The following FMNL2 variants were observed in gnomAD, a reference collection of about 807,000 sequenced individuals.
FMNL2 encodes the protein formin like 2.
In FMNL2, 51 loss-of-function variants were observed where a neutral mutation model predicts 130.2. The observed-to-expected ratio is 0.39, with a 90% CI of 0.31 to 0.49. The LOEUF is 0.49. Among genes scored for constraint, FMNL2 ranks in the 20% least tolerant of loss-of-function variants. The pLI, the probability that FMNL2 is intolerant of heterozygous loss-of-function variation, is 0.85. For missense variants in FMNL2, 977 were observed against 1,316.2 expected (o/e 0.74, Z 3.99); for synonymous variants, 465 against 467.1 (o/e 1.00, Z 0.06).
chr2:152,495,653 C>CAAAAATAAAAAAAAAAAA (rs1691468586), intron 1 of FMNL2, among the ~76,000 whole-genome samples: 1 of 48,546 alleles, frequency 2.1e-5, no homozygotes. Context: ...TCCGTCTCAC[C>CAAAAATAAAAAAAAAAAA]AAAAAAAAAA....
At chr2:152,424,304 A>G (rs1051844276) in intron 1 of FMNL2, among the ~76,000 whole-genome samples, 2 of 151,486 alleles carry the variant, frequency 1.3e-5, no homozygotes, top group African/African-American at 2.4e-5. Context: ...TTTTGGTGGG[A>G]GGAAAATTTG....
chr2:152,578,586 GAT>G (rs1491514401), intron 7 of FMNL2: 1 of 182,214 alleles, frequency 5.5e-6, no homozygotes, highest in African/African-American at 2.9e-5. Context: ...CATCATTGCC[GAT>G]TTTTTTTTTT....
chr2:152,499,951 A>C (rs1364743099), intron 1 of FMNL2, among the ~76,000 whole-genome samples: 1 of 152,040 alleles, frequency 6.6e-6, no homozygotes, highest in Non-Finnish European at 1.5e-5. Flanking sequence ...AATTCTTCTG[A>C]GTTTCTTTCT....
In FMNL2 at chr2:152,609,504, A is replaced by AT. The variant is rs1243862162; in HGVS notation, c.952-1984dup. Among the ~76,000 whole-genome samples, 11 of 152,176 alleles carry AT rather than the reference A, an allele frequency of 7.2e-5. No homozygotes were observed. In the East Asian group the frequency reaches 1.5e-3, roughly 21 times the overall value. On this transcript the variant is annotated intron_variant, in intron 10 of 25. Transcript: ENST00000288670. ...TAAGACATTTCTACCCTTTTTCTGT[A>AT]TTTTTTTGTGGACAAAAGAAAACAA...
intron 1 of FMNL2, among the ~76,000 whole-genome samples, chr2:152,339,591 T>A (rs1163957701): frequency 6.6e-6 from 1 of 152,226 alleles, no homozygotes; most frequent in Non-Finnish European, 1.5e-5. Context: ...TCTTAGCTGC[T>A]GTATCTTGTG....
intron 1 of FMNL2, among the ~76,000 whole-genome samples, chr2:152,442,700 A>G (rs1688116844): frequency 6.6e-6 from 1 of 152,230 alleles, no homozygotes; most frequent in Non-Finnish European, 1.5e-5. Flanking sequence ...TACATAAAAG[A>G]TATCTACAAA....
intron 1 of FMNL2, among the ~76,000 whole-genome samples, chr2:152,450,664 C>T (rs1688590489): frequency 6.6e-6 from 1 of 152,188 alleles, no homozygotes; most frequent in Non-Finnish European, 1.5e-5. Context: ...CCATCCTCAG[C>T]TCCTCCCTAC....
intron 1 of FMNL2, among the ~76,000 whole-genome samples, chr2:152,517,322 G>A (rs528396353): frequency 6.6e-6 from 1 of 152,282 alleles, no homozygotes; most frequent in South Asian, 2.1e-4. Context: ...AGGCTGGGCA[G>A]TATGGCTGAT....
intron 12 of FMNL2, among the ~76,000 whole-genome samples, chr2:152,616,415 C>T (rs185377728): frequency 1.2e-3 from 176 of 147,250 alleles, no homozygotes; most frequent in African/African-American, 4.3e-3. Flanking sequence ...ACTGCAACCT[C>T]TGCCTCCTGG....
intron 24 of FMNL2, 83 bp from the exon 25 acceptor site, chr2:152,640,708 C>CATAATGCTCAGG: frequency 1.3e-6 from 2 of 1,518,292 alleles, no homozygotes; most frequent in Non-Finnish European, 1.8e-6. Flanking sequence ...TTATTAGTAA[C>CATAATGCTCAGG]ATAATGCTCA....
Position 152,369,782 on chromosome 2 carries a change from C to T in FMNL2, c.117+34062C>T, listed in dbSNP as rs540842139. 6.6e-5 allele frequency among the ~76,000 whole-genome samples: 10 copies of T among 152,308 alleles called. 1 individual carries two copies. Among genetic ancestry groups the T allele is most frequent in the Middle Eastern group, 3.4e-3 (1 of 294 alleles). On this transcript the variant is annotated intron_variant, in intron 1 of 25. Coordinates refer to ENST00000288670, the MANE Select transcript of FMNL2 (RefSeq NM_052905.4). ...TTGTTCTTACTGCTGCTGTGTTTCC[C>T]GGAAAACAGCCATTGACTTTTCTTC...
intron 2 of FMNL2, among the ~76,000 whole-genome samples, chr2:152,525,800 C>T (rs554193244): frequency 2.6e-5 from 4 of 152,230 alleles, no homozygotes; most frequent in East Asian, 3.9e-4. Flanking sequence ...GCCACTCAGC[C>T]GGAGCAGAGT....
intron 1 of FMNL2, among the ~76,000 whole-genome samples, chr2:152,373,604 G>T (rs1684005085): frequency 6.6e-6 from 1 of 152,102 alleles, no homozygotes; most frequent in Non-Finnish European, 1.5e-5. Context: ...ATCACCTATA[G>T]ATTATCTATA....
At chr2:152,418,430 C>T (rs1480654127) in intron 1 of FMNL2, among the ~76,000 whole-genome samples, 3 of 152,142 alleles carry the variant, frequency 2.0e-5, no homozygotes, top group Non-Finnish European at 4.4e-5. Context: ...CAAACTGAAA[C>T]TCTCTACCCA....
chr2:152,412,027 A>G (rs1361557444), intron 1 of FMNL2, among the ~76,000 whole-genome samples: 1 of 152,184 alleles, frequency 6.6e-6, no homozygotes, highest in Non-Finnish European at 1.5e-5. Flanking sequence ...GCCAAACAGT[A>G]GGTTACAAAC....
intron 1 of FMNL2, among the ~76,000 whole-genome samples, chr2:152,485,270 A>C (rs914737238): frequency 6.6e-6 from 1 of 152,260 alleles, no homozygotes; most frequent in Non-Finnish European, 1.5e-5. Context: ...AGGCGGGCAG[A>C]TCACGAGGTC....
chr2:152,346,720 A>G lies in FMNL2; in HGVS notation c.117+11000A>G, dbSNP rs7587658. Reference sequence around the variant, plus strand: ...TGATGTTTCTAATGATAATGGAGAAATTTAAAAATTCTTTCTTGGTCATTT... The same window carrying G: ...TGATGTTTCTAATGATAATGGAGAAGTTTAAAAATTCTTTCTTGGTCATTT... On this transcript the variant is annotated intron_variant, in intron 1 of 25. Coordinates refer to ENST00000288670, the MANE Select transcript of FMNL2 (RefSeq NM_052905.4). Among the ~76,000 whole-genome samples, 576 of 152,298 alleles carry G rather than the reference A, an allele frequency of 3.8e-3. 4 individuals carry two copies. Among genetic ancestry groups the G allele is most frequent in the African/African-American group, 0.013 (557 of 41,564 alleles).
intron 1 of FMNL2, among the ~76,000 whole-genome samples, chr2:152,468,357 CAGTTTA>C (rs1227101297): frequency 6.6e-6 from 1 of 152,160 alleles, no homozygotes; most frequent in Non-Finnish European, 1.5e-5. Context: ...TAGGAGCAAA[CAGTTTA>C]AGTTTATTTC....
At chr2:152,553,020 G>C (rs1463810244) in intron 4 of FMNL2, among the ~76,000 whole-genome samples, 1 of 152,152 alleles carries the variant, frequency 6.6e-6, no homozygotes, top group Non-Finnish European at 1.5e-5. Context: ...GGTGTAGAGA[G>C]AACAGGCATG....
Sources: gnomAD v4.1 joint callset for allele counts (sites outside exome capture counted in the v4.1 genomes callset) on GRCh38, gnomAD v4.1.1 for gene constraint, MANE v1.5 for transcripts, NCBI Gene and HGNC (gene_info 2026-07-23, HGNC 2026-07-21) for gene names.